Variants in FBLN1 observed in about 807,000 individuals in gnomAD.
FBLN1 encodes fibulin-1.
A neutral mutation model predicts 89.7 loss-of-function variants in FBLN1; 34 were observed. That is an observed-to-expected ratio of 0.38 (90% CI 0.29 to 0.50). FBLN1 has a LOEUF of 0.50. Among genes scored for constraint, FBLN1 ranks in the 20% least tolerant of loss-of-function variants. The probability of loss-of-function intolerance (pLI) is 0.92; values close to 1 mark genes in which losing one functional copy is unlikely to be tolerated. For missense variants in FBLN1, 777 were observed against 988.1 expected (o/e 0.79, Z 2.86); for synonymous variants, 393 against 391.3 (o/e 1.00, Z -0.05).
rs750675416 is a variant in FBLN1 at position 45,550,794 on chromosome 22, C to T, written c.1697+179C>T. The T allele has an allele frequency of 1.9e-5, 17 of 874,202 alleles. No individual in the cohort carries two copies. Among genetic ancestry groups the T allele is most frequent in the East Asian group, 1.0e-4 (4 of 39,234 alleles). 54.2% of individuals were successfully genotyped at this position (874,202 alleles called of 1,614,324 possible). On this transcript the variant is annotated intron_variant, in intron 14 of 16. Coordinates refer to ENST00000327858, the MANE Select transcript of FBLN1 (RefSeq NM_006486.3). The surrounding 1 kb of genome is among the most constrained non-coding windows in gnomAD (Gnocchi z 8.4). ...CCCTAAATGCTAGTGACACTGGTCTCGGAAAGTCAAGGGGGTAACTGCAAA... is the reference window on the plus strand; with the variant it reads ...CCCTAAATGCTAGTGACACTGGTCTTGGAAAGTCAAGGGGGTAACTGCAAA...
intron 12 of FBLN1, among the ~76,000 whole-genome samples, chr22:45,548,401 C>T (rs1178860701): frequency 6.6e-6 from 1 of 152,210 alleles, no homozygotes; most frequent in East Asian, 1.9e-4. Context: ...CTGCCCGCCA[C>T]ATGCATACTT....
rs1308947910 is a variant in FBLN1, at chr22:45,565,009, GGACA to G, written c.1698-9496_1698-9493del. The G allele has an allele frequency of 6.8e-6, 11 of 1,613,198 alleles. No individual in the cohort carries two copies. In the East Asian group the frequency reaches 8.9e-5, roughly 13 times the overall value. On this transcript the variant is annotated intron_variant, in intron 14 of 16. Coordinates refer to ENST00000327858, the MANE Select transcript of FBLN1 (RefSeq NM_006486.3). ...GATGCCTAGTGAGGAAGATGGACCTGGACAGACAGTCAGCTCCACACCTTGCGCT... is the reference window on the plus strand; with the variant it reads ...GATGCCTAGTGAGGAAGATGGACCTGGACAGTCAGCTCCACACCTTGCGCT...
rs2088427779 is a variant in FBLN1 at position 45,532,875 on chromosome 22, TG to T, written c.545-182del. On this transcript the variant is annotated intron_variant, in intron 5 of 16. Transcript: ENST00000327858. This position sits in a 1 kb window ranked among gnomAD's most constrained non-coding sequence, Gnocchi z 4.2. ...GGTTGGGACCTGAAGCAGCAGCCCCTGGGGGGTGTCCAGAGCCAGAGCCTGG... is the reference window on the plus strand; with the variant it reads ...GGTTGGGACCTGAAGCAGCAGCCCCTGGGGGTGTCCAGAGCCAGAGCCTGG... 29 of 634,816 alleles carry T rather than the reference TG, an allele frequency of 4.6e-5. No individual in the cohort carries two copies. Among genetic ancestry groups the T allele is most frequent in the South Asian group, 3.2e-4 (18 of 55,654 alleles). The allele number at this position is 634,816 out of a possible 1,614,324, so 39.3% of individuals were successfully genotyped here. A position where few individuals can be genotyped will look rare whatever the true frequency, so the allele number is the denominator to read the frequency against.
Position 45,536,826 on chromosome 22 carries a change from T to A in FBLN1, c.922+1489T>A, listed in dbSNP as rs556764529. Among the ~76,000 whole-genome samples, 72 of 144,982 alleles carry A rather than the reference T, an allele frequency of 5.0e-4. No homozygotes were observed. Among genetic ancestry groups the A allele is most frequent in the Non-Finnish European group, 9.2e-4 (60 of 65,538 alleles). ...GAAATACTAATATGAAAAGAGAGAA[T>A]CCCATGTGAACTTAGTATGAATTTA... On this transcript the variant is annotated intron_variant, in intron 8 of 16. Transcript: ENST00000327858. This position sits in a 1 kb window ranked among gnomAD's most constrained non-coding sequence, Gnocchi z 5.1.
chr22:45,511,894 A>G (rs2088106507), intron 1 of FBLN1, among the ~76,000 whole-genome samples: 1 of 152,162 alleles, frequency 6.6e-6, no homozygotes, highest in Non-Finnish European at 1.5e-5. Context: ...ATTTTGCAAG[A>G]GTTTGCTCTT....
intron 14 of FBLN1, among the ~76,000 whole-genome samples, chr22:45,571,275 A>G (rs1439528953): frequency 6.6e-6 from 1 of 152,248 alleles, no homozygotes; most frequent in Non-Finnish European, 1.5e-5. Flanking sequence ...TAACATATTA[A>G]GGACTCTCAA....
chr22:45,529,067 C>G (rs2088368881), intron 4 of FBLN1, among the ~76,000 whole-genome samples: 1 of 152,208 alleles, frequency 6.6e-6, no homozygotes, highest in Non-Finnish European at 1.5e-5. Context: ...CTGCCCTTGT[C>G]CCTTCAGCTG....
chr22:45,542,099 G>A (rs1177493605), intron 9 of FBLN1, 56 bp from the exon 10 acceptor site: 3 of 1,612,910 alleles, frequency 1.9e-6, no homozygotes, highest in Non-Finnish European at 2.5e-6. Context: ...GATCATCTTG[G>A]GGGGAAAAAA....
At chr22:45,513,684 G>A (rs2088132096) in intron 1 of FBLN1, among the ~76,000 whole-genome samples, 1 of 152,030 alleles carries the variant, frequency 6.6e-6, no homozygotes, top group Non-Finnish European at 1.5e-5. Flanking sequence ...TTTCCTTCCT[G>A]TCTCTGACAA....
At chr22:45,594,921 G>C (rs1198078683) in intron 16 of FBLN1, among the ~76,000 whole-genome samples, 1 of 152,160 alleles carries the variant, frequency 6.6e-6, no homozygotes, top group Admixed American at 6.5e-5. Context: ...TTGATGGATG[G>C]TTATGAAGCT....
Position 45,579,934 on chromosome 22 carries a change from G to A in FBLN1, c.1972+2826G>A, listed in dbSNP as rs928092751. On this transcript the variant is annotated intron_variant, in intron 16 of 16. Transcript: ENST00000327858. This position sits in a 1 kb window ranked among gnomAD's most constrained non-coding sequence, Gnocchi z 5.5. ...CCACCTGGTAATAGATGGTTCCACC[G>A]TTGGACTCGAGCCCAGCCTGAAGCA... Among the ~76,000 whole-genome samples the A allele has an allele frequency of 2.6e-5, 4 of 151,984 alleles. No individual in the cohort carries two copies. Among genetic ancestry groups the A allele is most frequent in the Non-Finnish European group, 4.4e-5 (3 of 68,004 alleles).
At position 45,589,809 on chromosome 22, in the gene FBLN1, C is replaced by CCACCCTCCCCGCAGAG. The variant is rs368699377; in HGVS notation, c.1973-10472_1973-10457dup. 3.9e-5 allele frequency among the ~76,000 whole-genome samples: 6 copies of CCACCCTCCCCGCAGAG among 152,036 alleles called. 1 individual carries two copies. Among genetic ancestry groups the CCACCCTCCCCGCAGAG allele is most frequent in the South Asian group, 4.2e-4 (2 of 4,814 alleles). Reference sequence around the variant, plus strand: ...GAGAGCACCAAGCTGCCTCATGTCTCCACCCTCCCCGCAGAGCACCCTCCC... The same window carrying CCACCCTCCCCGCAGAG: ...GAGAGCACCAAGCTGCCTCATGTCTCCACCCTCCCCGCAGAGCACCCTCCCCGCAGAGCACCCTCCC... On this transcript the variant is annotated intron_variant, in intron 16 of 16. Transcript: ENST00000327858.
In FBLN1 at chr22:45,537,462, T is replaced by C. The variant is rs1395505924; in HGVS notation, c.922+2125T>C. On this transcript the variant is annotated intron_variant, in intron 8 of 16. Coordinates refer to ENST00000327858, the MANE Select transcript of FBLN1 (RefSeq NM_006486.3). The surrounding 1 kb of genome is among the most constrained non-coding windows in gnomAD (Gnocchi z 5.7). ...GGTGAAACCCCGTCTCTACTAAAAATACAAAAATTAGCCGGGTGTGGTGGT... is the reference window on the plus strand; with the variant it reads ...GGTGAAACCCCGTCTCTACTAAAAACACAAAAATTAGCCGGGTGTGGTGGT... Among the ~76,000 whole-genome samples, 1 of 151,934 alleles carries C rather than the reference T, an allele frequency of 6.6e-6. No individual in the cohort carries two copies. The highest frequency in any genetic ancestry group is 1.5e-5 in the Non-Finnish European group (1 of 67,992).
intron 7 of FBLN1, among the ~76,000 whole-genome samples, chr22:45,534,429 C>G (rs1046519100): frequency 2.6e-5 from 4 of 152,070 alleles, no homozygotes; most frequent in African/African-American, 9.7e-5. Context: ...AAACACATGG[C>G]ATTTCTGGCT....
Position 45,576,370 on chromosome 22 carries a change from G to A in FBLN1, c.1841-607G>A, listed in dbSNP as rs2147028417. Among the ~76,000 whole-genome samples the A allele has an allele frequency of 6.6e-6, 1 of 152,232 alleles. No individual in the cohort carries two copies. The highest frequency in any genetic ancestry group is 1.5e-5 in the Non-Finnish European group (1 of 68,000). On this transcript the variant is annotated intron_variant, in intron 15 of 16. Transcript: ENST00000327858. The surrounding 1 kb of genome is among the most constrained non-coding windows in gnomAD (Gnocchi z 5.2). ...CTTGGGCCCAGGAAATCCACACCCT[G>A]ACCTTAAGTGCTGAAAGGACCTTTA...
chr22:45,508,064 T>G (rs1395760450), intron 1 of FBLN1, among the ~76,000 whole-genome samples: 1 of 152,084 alleles, frequency 6.6e-6, no homozygotes, highest in African/African-American at 2.4e-5. Flanking sequence ...GCCCCACCCC[T>G]GCCCCAGTTC....
chr22:45,542,171 G>C lies in FBLN1; in HGVS notation c.1083G>C (p.Ala361=), dbSNP rs761039345. The C allele has an allele frequency of 6.2e-7, 1 of 1,614,126 alleles. No homozygotes were observed. Among genetic ancestry groups the C allele is most frequent in the Non-Finnish European group, 8.5e-7 (1 of 1,180,028 alleles). Residue 361 remains alanine, a synonymous_variant, in exon 10 of 17, where the codon GCG becomes GCC. Coordinates refer to ENST00000327858, the MANE Select transcript of FBLN1 (RefSeq NM_006486.3). ...CTTTGCAAGATGTGGACGAGTGCGC[G>C]CCACCTGCTGAGCCCTGTGGGAAGG... ...GTRCVDVDEC[A]PPAEPCGKGH...
intron 14 of FBLN1, among the ~76,000 whole-genome samples, chr22:45,566,735 TG>T (rs2147017939): frequency 6.6e-6 from 1 of 152,236 alleles, no homozygotes; most frequent in Admixed American, 6.5e-5. Flanking sequence ...TTCATTGAAA[TG>T]GGGATGAAGA....
chr22:45,567,767 T>C (rs2088911666), intron 14 of FBLN1, among the ~76,000 whole-genome samples: 1 of 151,816 alleles, frequency 6.6e-6, no homozygotes, highest in South Asian at 2.1e-4. Flanking sequence ...AAACAAGGTA[T>C]GGTTGTCTGC....
Sources: allele counts gnomAD v4.1 joint callset (sites outside exome capture counted in the v4.1 genomes callset), GRCh38; gene constraint gnomAD v4.1.1; non-coding constraint Gnocchi (gnomAD v3.1); transcripts MANE v1.5; gene names NCBI Gene and HGNC (gene_info 2026-07-23, HGNC 2026-07-21).